The following ANO10 variants were observed in gnomAD, a reference collection of about 807,000 sequenced individuals.
ANO10 encodes anoctamin 10.
Under a neutral mutation model 74.7 loss-of-function variants are expected in ANO10, and 77 were observed. That is an observed-to-expected ratio of 1.03 (90% CI 0.86 to 1.25). ANO10 has a LOEUF of 1.25. Ranked by LOEUF, ANO10 falls within the 50% of genes most tolerant of loss-of-function variation. The pLI, the probability that ANO10 is intolerant of heterozygous loss-of-function variation, is 0.00. For missense variants in ANO10, 721 were observed against 778.1 expected (o/e 0.93, Z 0.87); for synonymous variants, 279 against 284.9 (o/e 0.98, Z 0.21).
chr3:43,603,818 G>T (rs2082439062), intron 2 of ANO10, among the ~76,000 whole-genome samples: 1 of 152,258 alleles, frequency 6.6e-6, no homozygotes, highest in South Asian at 2.1e-4. Flanking sequence ...AAGCTGGTCA[G>T]GTTCTCCAAA....
intron 11 of ANO10, among the ~76,000 whole-genome samples, chr3:43,496,201 G>C (rs1265298528): frequency 6.6e-6 from 1 of 152,066 alleles, no homozygotes; most frequent in Non-Finnish European, 1.5e-5. Context: ...TTACACTGGT[G>C]GTAACTCAAA....
chr3:43,396,679 G>C (rs2092389211), intron 12 of ANO10, among the ~76,000 whole-genome samples: 1 of 151,456 alleles, frequency 6.6e-6, no homozygotes, highest in Non-Finnish European at 1.5e-5. Flanking sequence ...TTTTCCCCCA[G>C]AGACAGGGCC....
intron 12 of ANO10, among the ~76,000 whole-genome samples, chr3:43,423,605 T>C (rs1420799111): frequency 2.0e-5 from 3 of 152,208 alleles, no homozygotes. Flanking sequence ...GCAGGTATAC[T>C]GGTGGTCAGA....
chr3:43,540,989 A>G (rs1044174904), intron 11 of ANO10, among the ~76,000 whole-genome samples: 1 of 152,252 alleles, frequency 6.6e-6, no homozygotes, highest in Non-Finnish European at 1.5e-5. Flanking sequence ...TAACAGCTAA[A>G]GAGCCCATGG....
At chr3:43,545,217 AAATC>A (rs1290547341) in intron 11 of ANO10, among the ~76,000 whole-genome samples, 6 of 152,210 alleles carry the variant, frequency 3.9e-5, no homozygotes, top group African/African-American at 1.4e-4. Flanking sequence ...AAACTTTTTT[AAATC>A]AATAAGAACA....
intron 11 of ANO10, among the ~76,000 whole-genome samples, chr3:43,497,258 A>C (rs973613320): frequency 2.0e-5 from 3 of 152,216 alleles, no homozygotes; most frequent in African/African-American, 2.4e-5. Context: ...TGTGCACAGA[A>C]GGAAATCTCT....
chr3:43,426,674 T>C (rs1218407533), intron 12 of ANO10, among the ~76,000 whole-genome samples: 2 of 152,194 alleles, frequency 1.3e-5, no homozygotes, highest in Non-Finnish European at 2.9e-5. Flanking sequence ...GAATCCTTTC[T>C]ATTTTTAATT....
At chr3:43,531,843 C>T (rs983870378) in intron 11 of ANO10, among the ~76,000 whole-genome samples, 4 of 151,272 alleles carry the variant, frequency 2.6e-5, no homozygotes, top group South Asian at 2.1e-4. Context: ...TGCAGTGAGC[C>T]GAGATTGGGC....
intron 1 of ANO10, among the ~76,000 whole-genome samples, chr3:43,678,698 G>A (rs2084154988): frequency 6.6e-6 from 1 of 152,124 alleles, no homozygotes; most frequent in Admixed American, 6.6e-5. Flanking sequence ...GCCCCTGGCC[G>A]AATAAACCCC....
intron 12 of ANO10, among the ~76,000 whole-genome samples, chr3:43,392,475 G>A (rs747335780): frequency 1.3e-5 from 2 of 152,198 alleles, no homozygotes; most frequent in African/African-American, 2.4e-5. Flanking sequence ...ACTGTAGAAA[G>A]CTCTTTTTAT....
intron 11 of ANO10, among the ~76,000 whole-genome samples, chr3:43,526,536 T>C (rs983658377): frequency 6.6e-6 from 1 of 152,180 alleles, no homozygotes; most frequent in African/African-American, 2.4e-5. Context: ...AGAGAATGTA[T>C]AGTATAACAT....
intron 1 of ANO10, among the ~76,000 whole-genome samples, chr3:43,684,164 T>C (rs1444214680): frequency 6.6e-6 from 1 of 151,508 alleles, no homozygotes; most frequent in Non-Finnish European, 1.5e-5. Flanking sequence ...TGGGAGAAAA[T>C]TTTTGCAATC....
At chr3:43,522,562 C>A (rs2078005861) in intron 11 of ANO10, among the ~76,000 whole-genome samples, 1 of 152,188 alleles carries the variant, frequency 6.6e-6, no homozygotes, top group Non-Finnish European at 1.5e-5. Flanking sequence ...TTAATATAGA[C>A]AACTGTGTTC....
intron 1 of ANO10, among the ~76,000 whole-genome samples, chr3:43,606,431 T>C (rs910690873): frequency 1.3e-5 from 2 of 152,024 alleles, no homozygotes; most frequent in Admixed American, 6.6e-5. Context: ...TAACATACAA[T>C]GGGAGTCACC....
chr3:43,629,937 C>T (rs1434328942), intron 1 of ANO10, among the ~76,000 whole-genome samples: 5 of 152,050 alleles, frequency 3.3e-5, no homozygotes, highest in Non-Finnish European at 7.4e-5. Flanking sequence ...GATGAACTCA[C>T]CAGAGTTGTG....
chr3:43,612,126 GA>G (rs2082846270), intron 1 of ANO10, among the ~76,000 whole-genome samples: 1 of 97,346 alleles, frequency 1.0e-5, no homozygotes, highest in Non-Finnish European at 2.1e-5. Context: ...GTGGAATAAA[GA>G]AAATTAAATA....
At chr3:43,685,398 T>C (rs2084262173) in intron 1 of ANO10, among the ~76,000 whole-genome samples, 1 of 152,232 alleles carries the variant, frequency 6.6e-6, no homozygotes, top group Non-Finnish European at 1.5e-5. Context: ...TCTTAATTGC[T>C]GCCATAGTAT....
intron 7 of ANO10, among the ~76,000 whole-genome samples, chr3:43,569,453 A>C (rs564777099): frequency 8.2e-4 from 77 of 94,378 alleles, no homozygotes; most frequent in Non-Finnish European, 1.2e-3. Context: ...TACTGGCAAA[A>C]CGAATCCAGC....
intron 12 of ANO10, among the ~76,000 whole-genome samples, chr3:43,403,892 T>C (rs2092528731): frequency 1.3e-5 from 2 of 152,134 alleles, no homozygotes; most frequent in African/African-American, 4.8e-5. Context: ...CTCCCCCCAC[T>C]ACACAATGAT....
Sources: gnomAD v4.1 joint callset for allele counts (sites outside exome capture counted in the v4.1 genomes callset) on GRCh38, gnomAD v4.1.1 for gene constraint, MANE v1.5 for transcripts, NCBI Gene and HGNC (gene_info 2026-07-23, HGNC 2026-07-21) for gene names.